The following CR2 variants were observed in gnomAD, a reference collection of about 807,000 sequenced individuals.
CR2 encodes the protein complement receptor type 2.
In CR2, 96 loss-of-function variants were observed where a neutral mutation model predicts 123.0. The ratio of observed to expected loss-of-function variants is 0.78; its 90% CI spans 0.66 to 0.93. The LOEUF (loss-of-function observed/expected upper bound fraction) is 0.93. Among genes scored for constraint, CR2 ranks in the 40% least tolerant of loss-of-function variants. The probability of loss-of-function intolerance (pLI) is 0.00; values close to 1 mark genes in which losing one functional copy is unlikely to be tolerated. For missense variants in CR2, 1,258 were observed against 1,361.0 expected, an observed-to-expected ratio of 0.92 and a Z score of 1.19; for synonymous variants, 484 against 469.5, an observed-to-expected ratio of 1.03 and a Z score of -0.40.
chr1:207,469,115 C>G lies in CR2; in HGVS notation c.735-35C>G, dbSNP rs546816560. ...GGCTGCTGTTCTTCAGCACAAACTG[C>G]CTAATAGTTCTGAATGACAACCTTC... On this transcript the variant is annotated intron_variant, in intron 4 of 19. Transcript: ENST00000367057. The G allele has an allele frequency of 2.7e-5, 43 of 1,574,368 alleles. No homozygotes were observed. The East Asian group carries it at 8.9e-4, about 33-fold the overall frequency.
chr1:207,482,253 A>G (rs939438788), intron 18 of CR2, among the ~76,000 whole-genome samples: 6 of 152,194 alleles, frequency 3.9e-5, no homozygotes, highest in African/African-American at 1.4e-4. Flanking sequence ...AATTTTTAAA[A>G]TACAAAAGTA....
chr1:207,470,596 C>G lies in CR2; in HGVS notation c.1226-144C>G, dbSNP rs1658239364. ...TGGGAAACTGTGATCTAAAATTACC[C>G]AAAGCTGGTCTGCAACATATGTTCT... On this transcript the variant is annotated intron_variant, in intron 6 of 19. Transcript: ENST00000367057. The G allele has an allele frequency of 3.9e-6, 3 of 775,690 alleles. No individual in the cohort carries two copies. In the South Asian group the frequency reaches 4.9e-5, roughly 13 times the overall value. 48.1% of individuals were successfully genotyped at this position (775,690 alleles called of 1,614,324 possible).
At chr1:207,488,334 TAA>T (rs1360002755) in intron 19 of CR2, among the ~76,000 whole-genome samples, 1 of 152,026 alleles carries the variant, frequency 6.6e-6, no homozygotes, top group Admixed American at 6.5e-5. Context: ...ATCTAGAAAA[TAA>T]AGATACCAGC....
At position 207,454,733 on chromosome 1, in the gene CR2, C is replaced by T; in HGVS notation, c.58+257C>T. The T allele has an allele frequency of 2.4e-6, 1 of 420,010 alleles. No individual in the cohort carries two copies. The highest frequency in any genetic ancestry group is 4.2e-6 in the Non-Finnish European group (1 of 236,018). The allele number at this position is 420,010 out of a possible 1,614,324, so 26.0% of individuals were successfully genotyped here. ...GCGCTGTCTGGTCGGCCCGGTGTGG[C>T]TGGCGGCGTGCGGGTGCTCGCGGTC... On this transcript the variant is annotated intron_variant, in intron 1 of 19. Coordinates refer to ENST00000367057, the MANE Select transcript of CR2 (RefSeq NM_001006658.3). The surrounding 1 kb of genome is among the most constrained non-coding windows in gnomAD (Gnocchi z 4.3).
At chr1:207,488,798 G>A (rs1416248822) in intron 19 of CR2, among the ~76,000 whole-genome samples, 1 of 152,106 alleles carries the variant, frequency 6.6e-6, no homozygotes, top group Non-Finnish European at 1.5e-5. Context: ...TCCTGACAGG[G>A]GGACCATACT....
At chr1:207,484,369 A>G (rs1052044184) in intron 18 of CR2, among the ~76,000 whole-genome samples, 7 of 152,354 alleles carry the variant, frequency 4.6e-5, no homozygotes, top group Middle Eastern at 3.4e-3. Context: ...TGATTTTCCA[A>G]TAATTGATAA....
chr1:207,466,554 C>T lies in CR2; in HGVS notation c.87C>T (p.Ile29=), dbSNP rs1350362281. The change falls in exon 2 of 20, where the codon ATC becomes ATT. Residue 29 remains isoleucine (I), a synonymous_variant. Transcript: ENST00000367057. ...LGISCGSPPP[I]LNGRISYYST... ...TTTCTTGTGGCTCTCCTCCGCCTAT[C>T]CTAAATGGCCGGATTAGTTATTATT... is the stretch of plus-strand genomic sequence containing the variant. 1 of 1,614,034 alleles carries T rather than the reference C, an allele frequency of 6.2e-7. No individual in the cohort carries two copies. Among genetic ancestry groups the T allele is most frequent in the African/African-American group, 1.3e-5 (1 of 75,002 alleles).
At chr1:207,463,741 A>G (rs1344413481) in intron 1 of CR2, among the ~76,000 whole-genome samples, 1 of 152,122 alleles carries the variant, frequency 6.6e-6, no homozygotes, top group Non-Finnish European at 1.5e-5. Flanking sequence ...TTGTCTTTAG[A>G]TATCTACTCT....
intron 10 of CR2, 56 bp downstream of exon 10, chr1:207,473,235 T>G: frequency 6.3e-7 from 1 of 1,593,962 alleles, no homozygotes; most frequent in Non-Finnish European, 8.5e-7. Flanking sequence ...TTCTTGTTTA[T>G]TATCTCCCAC....
Position 207,485,484 on chromosome 1 carries a change from G to A in CR2, c.3209G>A (p.Ser1070Asn). 1.2e-6 allele frequency: 2 copies of A among 1,610,238 alleles called. No homozygotes were observed. Among genetic ancestry groups the A allele is most frequent in the Admixed American group, 1.7e-5 (1 of 60,006 alleles). The change falls in exon 19 of 20, where the codon AGC becomes AAC. Residue 1070 changes from serine (S) to asparagine (N), a missense_variant. By Grantham distance (46) the Ser-to-Asn change is conservative. Transcript: ENST00000367057. ...TTTAGCAATTATTATACAGATACAAGCCAGAAAGAAGCTTTTCATTTAGAA... is the reference window on the plus strand; with the variant it reads ...TTTAGCAATTATTATACAGATACAAACCAGAAAGAAGCTTTTCATTTAGAA... ...HRARNYYTDT[S>N]QKEAFHLEAR...
At chr1:207,457,777 T>G (rs1419622418) in intron 1 of CR2, among the ~76,000 whole-genome samples, 1 of 152,096 alleles carries the variant, frequency 6.6e-6, no homozygotes. Context: ...CTGTTGTCTC[T>G]TAGTCTTTTT....
intron 1 of CR2, 44 bp from the exon 2 acceptor site, chr1:207,466,482 C>G: frequency 6.2e-7 from 1 of 1,609,104 alleles, no homozygotes; most frequent in Non-Finnish European, 8.5e-7. Context: ...AATATTTTCT[C>G]ACCATGATCA....
rs1420088518 is a variant in CR2 at position 207,469,751 on chromosome 1, C to G, written c.874C>G (p.Leu292Val). ...CAATGGAAGACATATAGGCAACTCA[C>G]TAGCAAATGTCTCATATGGAAGCAT... ...ILNGRHIGNSLANVSYGSIVT... is the reference protein window; with the variant it reads ...ILNGRHIGNSVANVSYGSIVT... The change falls in exon 6 of 20, where the codon CTA becomes GTA. Residue 292 changes from leucine (L) to valine (V), a missense_variant. Physicochemically the swap from Leu to Val is conservative, Grantham distance 32. Transcript: ENST00000367057. The G allele has an allele frequency of 1.2e-6, 2 of 1,613,946 alleles. No homozygotes were observed. The highest frequency in any genetic ancestry group is 1.7e-5 in the Admixed American group (1 of 60,000).
intron 15 of CR2, 111 bp from the exon 16 acceptor site, chr1:207,477,774 C>T (rs1235282149): frequency 1.2e-6 from 1 of 859,668 alleles, no homozygotes; most frequent in Non-Finnish European, 1.9e-6. Context: ...GCTTTCCTTA[C>T]TGAGAGTGAA....
chr1:207,466,994 C>CA (rs1658120111), intron 2 of CR2, 82 bp downstream of exon 2: 5 of 1,457,256 alleles, frequency 3.4e-6, no homozygotes, highest in Non-Finnish European at 4.6e-6. Flanking sequence ...TCCTGAAGGA[C>CA]AAACAGTGTG....
intron 1 of CR2, among the ~76,000 whole-genome samples, chr1:207,459,522 T>G (rs993846056): frequency 1.3e-5 from 2 of 152,202 alleles, no homozygotes; most frequent in Admixed American, 1.3e-4. Context: ...TATATGTTTG[T>G]TTTTCATCCA....
Position 207,485,587 on chromosome 1 carries a change from G to A in CR2, c.*18+15G>A, listed in dbSNP as rs961897548. 10 of 1,372,784 alleles carry A rather than the reference G, an allele frequency of 7.3e-6. No homozygotes were observed. Among genetic ancestry groups the A allele is most frequent in the Non-Finnish European group, 9.4e-6 (9 of 960,990 alleles). The allele number at this position is 1,372,784 out of a possible 1,614,324, so 85.0% of individuals were successfully genotyped here. A position where few individuals can be genotyped will look rare whatever the true frequency, so the allele number is the denominator to read the frequency against. On this transcript the variant is annotated intron_variant, in intron 19 of 19. Transcript: ENST00000367057. ...ACAAACTGGTGGTATGTAATGAAAT[G>A]GAATATTATTAATTTACATATAAAA...
chr1:207,479,119 TGG>T, intron 16 of CR2, 136 bp from the exon 17 acceptor site: 1 of 720,240 alleles, frequency 1.4e-6, no homozygotes, highest in Non-Finnish European at 2.5e-6. Flanking sequence ...CCACTGTGCC[TGG>T]CCCCAGTACA....
intron 19 of CR2, among the ~76,000 whole-genome samples, chr1:207,485,861 G>A (rs1658734743): frequency 6.6e-6 from 1 of 152,088 alleles, no homozygotes; most frequent in African/African-American, 2.4e-5. Flanking sequence ...AGCAGGCAAG[G>A]GGGATAAAGA....
Sources: allele counts gnomAD v4.1 joint callset (sites outside exome capture counted in the v4.1 genomes callset), GRCh38; gene constraint gnomAD v4.1.1; non-coding constraint Gnocchi (gnomAD v3.1); transcripts MANE v1.5; gene names NCBI Gene and HGNC (gene_info 2026-07-23, HGNC 2026-07-21).